Variants in PTGER3 observed in about 807,000 individuals in gnomAD.
PTGER3 encodes the protein prostaglandin E2 receptor EP3 subtype.
A neutral mutation model predicts 34.7 loss-of-function variants in PTGER3; 22 were observed. The ratio of observed to expected loss-of-function variants is 0.63; its 90% CI spans 0.45 to 0.91. The LOEUF (loss-of-function observed/expected upper bound fraction) is 0.91, where lower values mean the gene tolerates loss of function less well. Ranked by LOEUF, PTGER3 falls within the 40% of genes least tolerant of loss-of-function variation. The pLI, the probability that PTGER3 is intolerant of heterozygous loss-of-function variation, is 0.00. For missense variants in PTGER3, 468 were observed against 519.4 expected, an observed-to-expected ratio of 0.90 and a Z score of 0.96; for synonymous variants, 241 against 230.1, an observed-to-expected ratio of 1.05 and a Z score of -0.43.
chr1:70,936,620 C>A (rs1358514068), intron 4 of PTGER3, among the ~76,000 whole-genome samples: 1 of 152,084 alleles, frequency 6.6e-6, no homozygotes, highest in East Asian at 1.9e-4. Flanking sequence ...TTTGTATGTT[C>A]TTCAATTGGA....
At position 70,930,734 on chromosome 1, in the gene PTGER3, G is replaced by A. The variant is rs558332194; in HGVS notation, c.*23+23029C>T. The stretch of plus-strand genomic sequence containing the variant: ...TTCACTACCATGAGAACAGCATGAG[G>A]GAAACCGCCCCATGGTTCAAATTTT... On this transcript the variant is annotated intron_variant, in intron 4 of 4. Transcript: ENST00000370931. Among the ~76,000 whole-genome samples the A allele has an allele frequency of 5.9e-5, 9 of 152,184 alleles. No individual in the cohort carries two copies. The East Asian group carries it at 1.5e-3, about 26-fold the overall frequency.
intron 1 of PTGER3, among the ~76,000 whole-genome samples, chr1:71,018,379 T>A (rs1357722995): frequency 2.0e-5 from 3 of 152,204 alleles, no homozygotes; most frequent in Non-Finnish European, 4.4e-5. Context: ...ACCGAATGCC[T>A]GTTATTCTAG....
rs534278371 is a variant in PTGER3, at chr1:70,862,554, T to A, written c.*24-9695A>T. Among the ~76,000 whole-genome samples, 11 of 152,264 alleles carry A rather than the reference T, an allele frequency of 7.2e-5. No homozygotes were observed. In the South Asian group the frequency reaches 2.3e-3, roughly 32 times the overall value. ...GTCTCATGGCTTTGACTTAGAAAGCTCAAGGAATGAAATATCCAAGATGTG... is the reference window on the plus strand; with the variant it reads ...GTCTCATGGCTTTGACTTAGAAAGCACAAGGAATGAAATATCCAAGATGTG... On this transcript the variant is annotated intron_variant, in intron 4 of 4. Coordinates refer to the PTGER3 transcript ENST00000370931.
chr1:70,974,797 G>A (rs763617250), intron 2 of PTGER3, among the ~76,000 whole-genome samples: 2 of 152,142 alleles, frequency 1.3e-5, no homozygotes, highest in Non-Finnish European at 2.9e-5. Flanking sequence ...ATCTGGCCTC[G>A]GGATGCAATT....
downstream of PTGER3, among the ~76,000 whole-genome samples, chr1:70,949,075 G>A (rs1557677888): frequency 6.6e-6 from 1 of 152,132 alleles, no homozygotes; most frequent in Non-Finnish European, 1.5e-5. Context: ...CAGGCGTGGG[G>A]TAAAGGAGTG....
chr1:70,877,762 T>C (rs975594297), intron 4 of PTGER3, among the ~76,000 whole-genome samples: 1 of 152,140 alleles, frequency 6.6e-6, no homozygotes, highest in East Asian at 1.9e-4. Flanking sequence ...TTTTAATTTG[T>C]GTATGTTTAA....
chr1:70,973,580 A>G (rs1316064870), intron 3 of PTGER3, among the ~76,000 whole-genome samples: 1 of 152,172 alleles, frequency 6.6e-6, no homozygotes, highest in South Asian at 2.1e-4. Flanking sequence ...GACATTACCC[A>G]GAGAATAAAA....
chr1:70,947,621 G>C (rs1557676714), downstream of PTGER3: 1 of 151,980 alleles, frequency 6.6e-6, no homozygotes, highest in Non-Finnish European at 1.5e-5. Context: ...CATATGTCTG[G>C]AAAAATAATT....
At chr1:70,859,487 A>G (rs984112114) in intron 4 of PTGER3, among the ~76,000 whole-genome samples, 1 of 152,170 alleles carries the variant, frequency 6.6e-6, no homozygotes, top group African/African-American at 2.4e-5. Context: ...GAAGATTTGC[A>G]TATATTGCAA....
At chr1:70,905,001 A>G (rs1466957591) in intron 4 of PTGER3, among the ~76,000 whole-genome samples, 3 of 152,110 alleles carry the variant, frequency 2.0e-5, no homozygotes, top group Non-Finnish European at 2.9e-5. Flanking sequence ...GCTGTGTGCA[A>G]CCTAGGGACT....
intron 2 of PTGER3, among the ~76,000 whole-genome samples, chr1:70,988,552 A>T (rs1557716581): frequency 6.6e-6 from 1 of 152,190 alleles, no homozygotes; most frequent in African/African-American, 2.4e-5. Context: ...CCTACTGACC[A>T]GAAGGCAAAA....
intron 2 of PTGER3, chr1:71,009,173 G>T: frequency 2.0e-6 from 2 of 985,218 alleles, no homozygotes; most frequent in Non-Finnish European, 2.4e-6. Context: ...TACTGCCACA[G>T]AGTGACCCCC....
rs148227847 is a variant in PTGER3, at chr1:71,047,254, C to G, written c.324G>C (p.Pro108=). The G allele has an allele frequency of 3.8e-6, 6 of 1,595,230 alleles. No individual in the cohort carries two copies. In the Admixed American group the frequency reaches 1.1e-4, roughly 28 times the overall value. Residue 108 remains proline, a synonymous_variant, in exon 1 of 4, where the codon CCG becomes CCC. Coordinates refer to ENST00000306666, the MANE Select transcript of PTGER3 (RefSeq NM_198719.2). ...TGGACAGGTACACGACGATGACGAC[C>G]GGGGTGGTGAGAAGCTGCCCGACCA... ...TDLVGQLLTT[P]VVIVVYLSKQ... is the part of the protein sequence containing the mutation.
chr1:70,879,078 T>C (rs561723467), intron 4 of PTGER3, among the ~76,000 whole-genome samples: 1 of 152,192 alleles, frequency 6.6e-6, no homozygotes, highest in Non-Finnish European at 1.5e-5. Context: ...TGTTAAAATC[T>C]CCTAGTATTG....
At chr1:70,914,851 C>A (rs1363696887) in intron 4 of PTGER3, among the ~76,000 whole-genome samples, 1 of 151,752 alleles carries the variant, frequency 6.6e-6, no homozygotes. Context: ...TCACAGGGGG[C>A]ACAGAAAATG....
At chr1:71,008,363 A>G (rs1657152157) in intron 2 of PTGER3, 2 of 863,378 alleles carry the variant, frequency 2.3e-6, no homozygotes, top group Admixed American at 6.2e-5. Flanking sequence ...CACTCTGCTT[A>G]TGGTATCATA....
chr1:70,890,094 T>A (rs1210575034), intron 4 of PTGER3, among the ~76,000 whole-genome samples: 3 of 152,192 alleles, frequency 2.0e-5, no homozygotes, highest in African/African-American at 7.2e-5. Context: ...TACGGCTTAG[T>A]CTTTTATACA....
chr1:71,020,155 C>T (rs1269354896), intron 1 of PTGER3, among the ~76,000 whole-genome samples: 1 of 152,098 alleles, frequency 6.6e-6, no homozygotes, highest in Non-Finnish European at 1.5e-5. Flanking sequence ...AATCTGGTTA[C>T]AACAGTTCTC....
chr1:70,907,287 A>G (rs1646969622), intron 4 of PTGER3, among the ~76,000 whole-genome samples: 1 of 152,240 alleles, frequency 6.6e-6, no homozygotes, highest in Non-Finnish European at 1.5e-5. Flanking sequence ...GATGAAGGGC[A>G]TACACTAGCT....
Sources: gnomAD v4.1 joint callset for allele counts (sites outside exome capture counted in the v4.1 genomes callset) on GRCh38, gnomAD v4.1.1 for gene constraint, MANE v1.5 for transcripts, NCBI Gene and HGNC (gene_info 2026-07-23, HGNC 2026-07-21) for gene names.